Variants in STARD9 observed in about 807,000 individuals in gnomAD.
STARD9 encodes the protein stAR-related lipid transfer protein 9.
Under a neutral mutation model 399.8 loss-of-function variants are expected in STARD9, and 346 were observed. The ratio of observed to expected loss-of-function variants is 0.87; its 90% CI spans 0.79 to 0.95. STARD9 has a LOEUF of 0.95. Among genes scored for constraint, STARD9 ranks in the 40% least tolerant of loss-of-function variants. The pLI, the probability that STARD9 is intolerant of heterozygous loss-of-function variation, is 0.00. For missense variants in STARD9, 5,832 were observed against 5,667.5 expected, an observed-to-expected ratio of 1.03 and a Z score of -0.93; for synonymous variants, 2,203 against 2,143.5, an observed-to-expected ratio of 1.03 and a Z score of -0.77.
At chr15:42,592,426 T>G (rs1337623023) in intron 3 of STARD9, among the ~76,000 whole-genome samples, 1 of 151,874 alleles carries the variant, frequency 6.6e-6, no homozygotes, top group African/African-American at 2.4e-5. Flanking sequence ...CAGCTTCCTG[T>G]TTTTTTTCTT....
At position 42,676,057 on chromosome 15, in the gene STARD9, G is replaced by T. The variant is rs549475095; in HGVS notation, c.1874+82G>T. On this transcript the variant is annotated intron_variant, in intron 20 of 32. Transcript: ENST00000290607. ...TGACAGCATGGATCAGGGTGGGGGT[G>T]GGGGGTGATTAATGTAGCAGCCAAG... is the stretch of plus-strand genomic sequence containing the variant. 4.5e-6 allele frequency: 4 copies of T among 891,394 alleles called. 1 individual carries two copies. The highest frequency in any genetic ancestry group is 6.5e-5 in the East Asian group (2 of 30,896). 55.2% of individuals were successfully genotyped at this position (891,394 alleles called of 1,614,324 possible). A position where few individuals can be genotyped will look rare whatever the true frequency, so the allele number is the denominator to read the frequency against.
chr15:42,674,690 T>C, intron 17 of STARD9, 137 bp from the exon 18 acceptor site: 1 of 1,326,766 alleles, frequency 7.5e-7, no homozygotes, highest in Non-Finnish European at 1.0e-6. Flanking sequence ...CAGGTCTGGG[T>C]GGTTTCAGGT....
rs1329505011 is a variant in STARD9, at chr15:42,661,135, G to T, written c.703-23G>T. On this transcript the variant is annotated intron_variant, in intron 9 of 32. Transcript: ENST00000290607. ...CAATACAAATCGTTCCAAATGACAG[G>T]CTTTAAATGTTTTCTCCTCTAGGCA... is the stretch of plus-strand genomic sequence containing the variant. 4.6e-6 allele frequency: 7 copies of T among 1,508,910 alleles called. No individual in the cohort carries two copies. The Admixed American group carries it at 9.8e-5, about 21-fold the overall frequency. The allele number at this position is 1,508,910 out of a possible 1,614,324, so 93.5% of individuals were successfully genotyped here. A position where few individuals can be genotyped will look rare whatever the true frequency, so the allele number is the denominator to read the frequency against.
chr15:42,591,715 G>C (rs1052861704), intron 3 of STARD9, among the ~76,000 whole-genome samples: 1 of 152,150 alleles, frequency 6.6e-6, no homozygotes, highest in Non-Finnish European at 1.5e-5. Flanking sequence ...TAGTGCTTTG[G>C]CACTCTTCCT....
In STARD9 at chr15:42,693,142, T is replaced by C. The variant is rs1203052478; in HGVS notation, c.11564T>C (p.Val3855Ala). Residue 3855 changes from valine (V) to alanine (A), a missense_variant, in exon 23 of 33, where the codon GTT (valine) becomes GCT (alanine). By Grantham distance (64) the Val-to-Ala change is moderately conservative. Coordinates refer to ENST00000290607, the MANE Select transcript of STARD9 (RefSeq NM_020759.3). ...SSQPEESYCL[V>A]VSSPSPSSPH... ...CAGCCAGAGGAGTCATATTGCTTAG[T>C]TGTCAGCAGTCCCAGTCCCAGCTCC... 2.0e-6 allele frequency: 3 copies of C among 1,537,222 alleles called. No homozygotes were observed. The highest frequency in any genetic ancestry group is 3.9e-5 in the Admixed American group (2 of 50,994).
chr15:42,695,564 G>A (rs1475596691), intron 25 of STARD9, among the ~76,000 whole-genome samples, 179 bp from the exon 26 acceptor site: 19 of 152,208 alleles, frequency 1.2e-4, no homozygotes, highest in Admixed American at 8.5e-4. Context: ...GGGGAAATAC[G>A]AGCAGTGGTG....
rs1203532866 is a variant in STARD9 at position 42,651,027 on chromosome 15, C to T, written c.571C>T (p.His191Tyr). ...CACAAATCCGATAGGTTTATCTCAA[C>T]ATGTAGTTACCAATTATAAGCAAGT... The part of the protein sequence containing the change: ...MGPYVQGLSQ[H>Y]VVTNYKQVIQ... The change falls in exon 8 of 33, where the codon CAT becomes TAT. Residue 191 changes from histidine to tyrosine, a missense_variant. Coordinates refer to ENST00000290607, the MANE Select transcript of STARD9 (RefSeq NM_020759.3). 8 of 1,531,886 alleles carry T rather than the reference C, an allele frequency of 5.2e-6. No individual in the cohort carries two copies. The Admixed American group carries it at 1.4e-4, about 26-fold the overall frequency. 94.9% of individuals were successfully genotyped at this position (1,531,886 alleles called of 1,614,324 possible).
intron 7 of STARD9, among the ~76,000 whole-genome samples, chr15:42,643,407 G>A (rs981897805): frequency 6.6e-6 from 1 of 152,124 alleles, no homozygotes; most frequent in African/African-American, 2.4e-5. Flanking sequence ...TATTGGTCAG[G>A]CTGGTCTCGA....
chr15:42,681,679 C>A (rs919236212), intron 21 of STARD9, 67 bp downstream of exon 21: 9 of 1,330,122 alleles, frequency 6.8e-6, no homozygotes, highest in African/African-American at 1.5e-5. Context: ...CTTCCTCAGC[C>A]TTCTGTATTC....
intron 28 of STARD9, 56 bp from the exon 29 acceptor site, chr15:42,717,675 C>T: frequency 6.8e-7 from 1 of 1,470,002 alleles, no homozygotes; most frequent in Non-Finnish European, 9.2e-7. Context: ...CTGACTAACC[C>T]AGGGGCTTAG....
At chr15:42,660,105 G>A (rs2059964167) in intron 9 of STARD9, among the ~76,000 whole-genome samples, 1 of 152,192 alleles carries the variant, frequency 6.6e-6, no homozygotes, top group African/African-American at 2.4e-5. Flanking sequence ...AGAGCTAGAT[G>A]TACGATTCTA....
intron 20 of STARD9, among the ~76,000 whole-genome samples, chr15:42,676,796 C>T (rs1365386638): frequency 6.6e-6 from 1 of 152,164 alleles, no homozygotes; most frequent in Non-Finnish European, 1.5e-5. Context: ...TGTTGGGAGG[C>T]TGCCAAACAC....
In STARD9 at chr15:42,635,251, A is replaced by C. The variant is rs141601398; in HGVS notation, c.351+279A>C. Among the ~76,000 whole-genome samples, 1,341 of 147,534 alleles carry C rather than the reference A, an allele frequency of 9.1e-3. 21 individuals carry two copies. The highest frequency in any genetic ancestry group is 0.031 in the African/African-American group (1,273 of 40,544). ...CTCCAGCCTGGGCAACAAGAGCAAA[A>C]CTCCATCTCAAAAAAAAAAAAAAAT... On this transcript the variant is annotated intron_variant, in intron 4 of 32. Coordinates refer to ENST00000290607, the MANE Select transcript of STARD9 (RefSeq NM_020759.3).
chr15:42,615,028 T>TTC (rs879580102), intron 3 of STARD9, among the ~76,000 whole-genome samples: 4 of 148,234 alleles, frequency 2.7e-5, no homozygotes, highest in East Asian at 2.0e-4. Context: ...TTTTTTTTTT[T>TTC]CCAGGAGTCT....
At chr15:42,705,979 C>T (rs898798138) in intron 26 of STARD9, among the ~76,000 whole-genome samples, 1 of 151,818 alleles carries the variant, frequency 6.6e-6, no homozygotes, top group Non-Finnish European at 1.5e-5. Context: ...TCTCAAACTC[C>T]TAACCTCGAG....
intron 13 of STARD9, among the ~76,000 whole-genome samples, chr15:42,664,883 A>T (rs1450338753): frequency 6.6e-6 from 1 of 152,084 alleles, no homozygotes; most frequent in Non-Finnish European, 1.5e-5. Context: ...GCTTAGTCAC[A>T]ATACAGGAAG....
rs151260934 is a variant in STARD9, at chr15:42,659,770, T to G, written c.703-1388T>G. On this transcript the variant is annotated intron_variant, in intron 9 of 32. Transcript: ENST00000290607. ...CAATTTCCTGACCTCATGATCCACCTGCCTCCACCTCCCAAAGTGCTGGGA... is the reference window on the plus strand; with the variant it reads ...CAATTTCCTGACCTCATGATCCACCGGCCTCCACCTCCCAAAGTGCTGGGA... Among the ~76,000 whole-genome samples the G allele has an allele frequency of 1.4e-3, 208 of 152,278 alleles. 2 individuals are homozygous for G. Among genetic ancestry groups the G allele is most frequent in the African/African-American group, 4.9e-3 (205 of 41,556 alleles).
intron 3 of STARD9, among the ~76,000 whole-genome samples, chr15:42,597,948 G>A (rs2058540503): frequency 1.3e-5 from 2 of 151,548 alleles, no homozygotes; most frequent in Non-Finnish European, 2.9e-5. Context: ...TGGGATTACA[G>A]GTGTGAGCCA....
intron 7 of STARD9, among the ~76,000 whole-genome samples, chr15:42,645,805 G>A (rs927420524): frequency 3.3e-5 from 5 of 152,052 alleles, no homozygotes; most frequent in African/African-American, 1.2e-4. Flanking sequence ...GCCTCCCAAA[G>A]TTCTGGGATT....
Sources: gnomAD v4.1 joint callset for allele counts (sites outside exome capture counted in the v4.1 genomes callset) on GRCh38, gnomAD v4.1.1 for gene constraint, MANE v1.5 for transcripts, NCBI Gene and HGNC (gene_info 2026-07-23, HGNC 2026-07-21) for gene names.